Variants in NEBL observed in about 807,000 individuals in gnomAD.
NEBL encodes the protein nebulette.
NEBL carries 122 observed loss-of-function variants against 140.2 expected under a neutral mutation model. That is an observed-to-expected ratio of 0.87 (90% CI 0.75 to 1.01). The LOEUF (loss-of-function observed/expected upper bound fraction) is 1.01, where lower values mean the gene tolerates loss of function less well. NEBL is among the 50% of genes least tolerant of loss of function. NEBL has a pLI of 0.00. For synonymous variants in NEBL, 436 were observed against 398.9 expected (o/e 1.09, Z -1.11); for missense variants, 1,365 against 1,231.3 (o/e 1.11, Z -1.62).
intron 1 of NEBL, among the ~76,000 whole-genome samples, chr10:21,278,475 G>C (rs572223724): frequency 1.9e-4 from 29 of 152,176 alleles, no homozygotes; most frequent in Non-Finnish European, 3.4e-4. Flanking sequence ...GTGTGGGGCT[G>C]TTCTCAGTGA....
At chr10:21,046,135 G>GATAA (rs1398462376) in intron 2 of NEBL, among the ~76,000 whole-genome samples, 4 of 152,130 alleles carry the variant, frequency 2.6e-5, no homozygotes, top group Non-Finnish European at 5.9e-5. Flanking sequence ...GGCACAGAAA[G>GATAA]ATAAATACCA....
At position 21,215,963 on chromosome 10, in the gene NEBL, A is replaced by G. The variant is rs572520226; in HGVS notation, n.348+31958T>C. Among the ~76,000 whole-genome samples, 10 of 152,192 alleles carry G rather than the reference A, an allele frequency of 6.6e-5. No individual in the cohort carries two copies. The South Asian group carries it at 2.1e-3, about 32-fold the overall frequency. ...TGGAATTATAGGCGTGAGCCACCGC[A>G]CCTGCCCTCCCAAACTAGTTTCCAG... On this transcript the variant is annotated intron_variant and non_coding_transcript_variant, in intron 3 of 8. Coordinates refer to the NEBL transcript ENST00000675702.
At chr10:20,951,356 A>G (rs1835451697) in intron 4 of NEBL, among the ~76,000 whole-genome samples, 1 of 151,768 alleles carries the variant, frequency 6.6e-6, no homozygotes, top group African/African-American at 2.4e-5. Flanking sequence ...ACAACCATGA[A>G]TGGAAAGAAA....
intron 5 of NEBL, among the ~76,000 whole-genome samples, chr10:20,877,973 A>C (rs1415481402): frequency 3.9e-5 from 6 of 152,150 alleles, no homozygotes; most frequent in Non-Finnish European, 5.9e-5. Context: ...CCGTGTCCTT[A>C]ATTTTCTTGA....
Position 21,079,284 on chromosome 10 carries a change from GT to G in NEBL, c.165-59084del, listed in dbSNP as rs146871081. 3.2e-3 allele frequency among the ~76,000 whole-genome samples: 485 copies of G among 152,308 alleles called. 3 individuals are homozygous for G. Among genetic ancestry groups the G allele is most frequent in the African/African-American group, 0.011 (455 of 41,568 alleles). ...AAAATGAGGAGGTGAAGAGGCAGTA[GT>G]ACCACCATCTTGAGATTTTAAAAAA... On this transcript the variant is annotated intron_variant, in intron 2 of 6. Coordinates refer to the NEBL transcript ENST00000417816.
chr10:21,160,376 C>T (rs963193333), intron 2 of NEBL, among the ~76,000 whole-genome samples: 4 of 152,068 alleles, frequency 2.6e-5, no homozygotes, highest in Non-Finnish European at 4.4e-5. Context: ...CCAATTAAAC[C>T]TGACATTACA....
chr10:21,228,135 T>C (rs2132252232), intron 3 of NEBL, among the ~76,000 whole-genome samples: 1 of 151,992 alleles, frequency 6.6e-6, no homozygotes, highest in African/African-American at 2.4e-5. Flanking sequence ...GAGTTGTTGT[T>C]GTTGCTATTT....
At chr10:20,920,354 A>T (rs1245381823) in intron 4 of NEBL, among the ~76,000 whole-genome samples, 1 of 152,234 alleles carries the variant, frequency 6.6e-6, no homozygotes, top group Non-Finnish European at 1.5e-5. Context: ...AAGACTATTC[A>T]TTACAATACT....
At chr10:21,151,860 C>G (rs1675503) in intron 2 of NEBL, among the ~76,000 whole-genome samples, 78,602 of 152,096 alleles carry the variant, frequency 0.52, 23,619 homozygotes, top group African/African-American at 0.84. Context: ...TCCCCTGCTC[C>G]ATTTTTCTCT....
intron 2 of NEBL, among the ~76,000 whole-genome samples, chr10:21,169,067 A>AAAAAATATATAT (rs1554830679): frequency 5.2e-4 from 12 of 23,068 alleles, no homozygotes; most frequent in Non-Finnish European, 9.5e-4. Flanking sequence ...AAAAAAAAAA[A>AAAAAATATATAT]ATATATATAT....
chr10:21,273,970 T>C (rs749277449), intron 1 of NEBL, among the ~76,000 whole-genome samples: 2 of 152,174 alleles, frequency 1.3e-5, no homozygotes, highest in Non-Finnish European at 2.9e-5. Context: ...AGGAGACCCA[T>C]CTTTCAATGT....
At position 21,208,027 on chromosome 10, in the gene NEBL, T is replaced by C. The variant is rs143739553; in HGVS notation, n.349-35550A>G. ...ACCAACTACACTGAGACAGCAGAGT[T>C]TGCAGCAGAGAAAGAGTTTAATGAT... On this transcript the variant is annotated intron_variant and non_coding_transcript_variant, in intron 3 of 8. Transcript: ENST00000675702. 4.9e-3 allele frequency among the ~76,000 whole-genome samples: 749 copies of C among 152,254 alleles called. 3 individuals carry two copies. Among genetic ancestry groups the C allele is most frequent in the African/African-American group, 0.018 (734 of 41,540 alleles).
chr10:21,013,870 C>A (rs776618126), intron 3 of NEBL, among the ~76,000 whole-genome samples: 4 of 152,088 alleles, frequency 2.6e-5, no homozygotes, highest in Admixed American at 1.3e-4. Flanking sequence ...GAGTGAGACT[C>A]CATCTAAAAC....
At chr10:21,227,499 A>T (rs1018789438) in intron 3 of NEBL, among the ~76,000 whole-genome samples, 1 of 152,242 alleles carries the variant, frequency 6.6e-6, no homozygotes, top group Non-Finnish European at 1.5e-5. Context: ...GTTTCCCGAT[A>T]AAAGGAAACA....
chr10:21,209,644 T>C (rs950860106), intron 3 of NEBL, among the ~76,000 whole-genome samples: 3 of 149,258 alleles, frequency 2.0e-5, no homozygotes, highest in Non-Finnish European at 4.4e-5. Context: ...ATTAGGCACC[T>C]GACCTTTTTT....
intron 2 of NEBL, among the ~76,000 whole-genome samples, chr10:21,137,613 A>G (rs1839415607): frequency 6.6e-6 from 1 of 152,078 alleles, no homozygotes; most frequent in Non-Finnish European, 1.5e-5. Context: ...GCCACTTCTG[A>G]TAGGTGGCAC....
At chr10:20,936,822 C>T (rs1731420615) in intron 4 of NEBL, among the ~76,000 whole-genome samples, 2 of 152,214 alleles carry the variant, frequency 1.3e-5, no homozygotes, top group South Asian at 4.1e-4. Context: ...CAGGCTTGAA[C>T]ATCTCCCACC....
chr10:20,972,347 C>G lies in NEBL; in HGVS notation c.250-10568G>C, dbSNP rs533691487. Among the ~76,000 whole-genome samples the G allele has an allele frequency of 3.9e-5, 6 of 152,238 alleles. No individual in the cohort carries two copies. In the East Asian group the frequency reaches 9.7e-4, roughly 24 times the overall value. On this transcript the variant is annotated intron_variant, in intron 3 of 6. Coordinates refer to the NEBL transcript ENST00000417816. ...ATGGCATTATTGATCAGGCAAACAC[C>G]AACTGTTTTTCTATAACAAGACATA... is the stretch of plus-strand genomic sequence containing the variant.
intron 3 of NEBL, among the ~76,000 whole-genome samples, chr10:21,231,784 G>C (rs999058984): frequency 6.6e-6 from 1 of 151,602 alleles, no homozygotes; most frequent in African/African-American, 2.4e-5. Context: ...TAGGGAGAAG[G>C]GTAGGAAACA....
Sources: gnomAD v4.1 joint callset for allele counts (sites outside exome capture counted in the v4.1 genomes callset) on GRCh38, gnomAD v4.1.1 for gene constraint, MANE v1.5 for transcripts, NCBI Gene and HGNC (gene_info 2026-07-23, HGNC 2026-07-21) for gene names.